The following WNT7B variants were observed in gnomAD, a reference collection of about 807,000 sequenced individuals.
The protein encoded by WNT7B is Wnt family member 7B.
In WNT7B, 19 loss-of-function variants were observed where a neutral mutation model predicts 38.2. The ratio of observed to expected loss-of-function variants is 0.50; its 90% confidence interval spans 0.35 to 0.73. The LOEUF (loss-of-function observed/expected upper bound fraction) is 0.73, where lower values mean the gene tolerates loss of function less well. Ranked by LOEUF, WNT7B falls within the 30% of genes least tolerant of loss-of-function variation. The pLI is 0.01. For synonymous variants in WNT7B, 243 were observed against 209.3 expected, an observed-to-expected ratio of 1.16 and a Z score of -1.39; for missense variants, 423 against 507.9, an observed-to-expected ratio of 0.83 and a Z score of 1.61.
At chr22:45,938,032 A>G (rs1931554696) in intron 2 of WNT7B, among the ~76,000 whole-genome samples, 1 of 152,208 alleles carries the variant, frequency 6.6e-6, no homozygotes, top group Non-Finnish European at 1.5e-5. Flanking sequence ...CATTTTCTAC[A>G]ACTCAATAAT....
intron 3 of WNT7B, chr22:45,927,683 G>A (rs946038611): frequency 4.3e-6 from 3 of 705,264 alleles, no homozygotes; most frequent in African/African-American, 3.5e-5. Flanking sequence ...ATCACCTGAG[G>A]TTAGGGGTTC....
chr22:45,975,802 C>T lies in WNT7B; in HGVS notation c.71+882G>A. ...CGAGGAGCGCGGGGCCAGCAGCGGG[C>T]GGTGGGCGCCCCAGGCGAGGTGCAC... On this transcript the variant is annotated intron_variant, in intron 1 of 3. Transcript: ENST00000339464. The surrounding 1 kb of genome is among the most constrained non-coding windows in gnomAD (Gnocchi z 6.6). 1 of 318,886 alleles carries T rather than the reference C, an allele frequency of 3.1e-6. No homozygotes were observed. The highest frequency in any genetic ancestry group is 5.7e-6 in the Non-Finnish European group (1 of 176,822). 19.8% of individuals were successfully genotyped at this position (318,886 alleles called of 1,614,324 possible). A position where few individuals can be genotyped will look rare whatever the true frequency, so the allele number is the denominator to read the frequency against.
rs28559287 is a variant in WNT7B at position 45,956,966 on chromosome 22, C to T, written c.72-6820G>A. On this transcript the variant is annotated intron_variant, in intron 1 of 3. Transcript: ENST00000339464. Reference sequence around the variant, plus strand: ...ACTAAAAATACAAAAATTAGCTGGGCGTGGTGGCGTGTGCCTGTAGTCCCA... The same window carrying T: ...ACTAAAAATACAAAAATTAGCTGGGTGTGGTGGCGTGTGCCTGTAGTCCCA... Among the ~76,000 whole-genome samples the T allele has an allele frequency of 8.0e-3, 1,213 of 152,232 alleles. 16 individuals carry two copies. The highest frequency in any genetic ancestry group is 0.028 in the African/African-American group (1,156 of 41,528).
In WNT7B at chr22:45,922,736, T is replaced by G; in HGVS notation, c.*120A>C. The G allele has an allele frequency of 6.8e-7, 1 of 1,463,534 alleles. No individual in the cohort carries two copies. The highest frequency in any genetic ancestry group is 9.1e-7 in the Non-Finnish European group (1 of 1,103,850). 90.7% of individuals were successfully genotyped at this position (1,463,534 alleles called of 1,614,324 possible). On this transcript the variant is annotated 3_prime_UTR_variant, in exon 4 of 4. Transcript: ENST00000339464. ...GCCGGTGCCCTCCTGCACCTGGAGC[T>G]CCCCGCTTCTGCACCCGTCTATGTC...
At chr22:45,934,040 G>C (rs926890484) in intron 2 of WNT7B, among the ~76,000 whole-genome samples, 2 of 152,236 alleles carry the variant, frequency 1.3e-5, no homozygotes, top group Non-Finnish European at 2.9e-5. Flanking sequence ...CTCCACATGC[G>C]CCGGGCGCAC....
chr22:45,961,053 C>A (rs1383631227), intron 1 of WNT7B, among the ~76,000 whole-genome samples: 1 of 152,236 alleles, frequency 6.6e-6, no homozygotes. Context: ...GAACAGAGCT[C>A]CACCTGCACC....
At position 45,928,411 on chromosome 22, in the gene WNT7B, T is replaced by G. The variant is rs548215388; in HGVS notation, c.570+2687A>C. ...CCACAGGTGCACAGGGTCGGGGCAG[T>G]GAGGAGTTGGGGGACAAAGTGCATT... On this transcript the variant is annotated intron_variant, in intron 3 of 3. Transcript: ENST00000339464. Among the ~76,000 whole-genome samples the G allele has an allele frequency of 1.4e-4, 22 of 152,230 alleles. No homozygotes were observed. In the South Asian group the frequency reaches 2.1e-3, roughly 14 times the overall value.
Position 45,931,151 on chromosome 22 carries a change from T to G in WNT7B, c.517A>C (p.Lys173Gln). 2 of 1,595,646 alleles carry G rather than the reference T, an allele frequency of 1.3e-6. No individual in the cohort carries two copies. Among genetic ancestry groups the G allele is most frequent in the Non-Finnish European group, 8.5e-7 (1 of 1,176,048 alleles). Reference sequence around the variant, plus strand: ...TTCATGAGGCGCCGCGCGTTCTTCTTGATCTCCCGAGCGTCCACGAAGCGC... The same window carrying G: ...TTCATGAGGCGCCGCGCGTTCTTCTGGATCTCCCGAGCGTCCACGAAGCGC... ...SRRFVDAREI[K>Q]KNARRLMNLH... Residue 173 changes from lysine to glutamine, a missense_variant, in exon 3 of 4, where the codon AAG (lysine) becomes CAG (glutamine). This residue lies in a region of WNT7B where 132 missense variants were observed against 113.4 expected (regional missense o/e 1.16). Coordinates refer to ENST00000339464, the MANE Select transcript of WNT7B (RefSeq NM_058238.3).
At position 45,947,058 on chromosome 22, in the gene WNT7B, G is replaced by A. The variant is rs148021393; in HGVS notation, c.298+2862C>T. On this transcript the variant is annotated intron_variant, in intron 2 of 3. Coordinates refer to ENST00000339464, the MANE Select transcript of WNT7B (RefSeq NM_058238.3). ...CATGCCAGGGCACCCAGCTGGCCTCGGACATGGCTGGCCTCCCTGATCAGC... is the reference window on the plus strand; with the variant it reads ...CATGCCAGGGCACCCAGCTGGCCTCAGACATGGCTGGCCTCCCTGATCAGC... Among the ~76,000 whole-genome samples, 197 of 152,306 alleles carry A rather than the reference G, an allele frequency of 1.3e-3. 3 individuals are homozygous for A. In the East Asian group the frequency reaches 0.019, roughly 15 times the overall value.
At chr22:45,958,017 G>T (rs1278782541) in intron 1 of WNT7B, among the ~76,000 whole-genome samples, 1 of 152,258 alleles carries the variant, frequency 6.6e-6, no homozygotes, top group Non-Finnish European at 1.5e-5. Flanking sequence ...GTTAAGTGCA[G>T]GAGACCTCAG....
chr22:45,963,376 C>T (rs1932239103), intron 1 of WNT7B, among the ~76,000 whole-genome samples: 1 of 152,216 alleles, frequency 6.6e-6, no homozygotes, highest in Non-Finnish European at 1.5e-5. Flanking sequence ...AGAGTGCCCA[C>T]TTCCCCAGGG....
chr22:45,972,116 G>GGGGGGGGGGCCCCCCCCCCCCCCCCCCC, intron 1 of WNT7B: 1 of 530,746 alleles, frequency 1.9e-6, no homozygotes, highest in Non-Finnish European at 3.3e-6. Flanking sequence ...CCCGGGGGGA[G>GGGGGGGGGGCCCCCCCCCCCCCCCCCCC]CCCACCCGCC....
intron 2 of WNT7B, among the ~76,000 whole-genome samples, chr22:45,943,095 TTGTG>T (rs930055237): frequency 2.6e-5 from 4 of 151,878 alleles, no homozygotes; most frequent in African/African-American, 7.3e-5. Context: ...GTGCGTGTGT[TTGTG>T]TGTGTGCATG....
chr22:45,957,294 T>G (rs1489629248), intron 1 of WNT7B, among the ~76,000 whole-genome samples: 1 of 151,964 alleles, frequency 6.6e-6, no homozygotes, highest in Non-Finnish European at 1.5e-5. Flanking sequence ...AAGTTATATC[T>G]CAGCATAAAA....
chr22:45,968,800 C>T (rs374227647), intron 1 of WNT7B, among the ~76,000 whole-genome samples: 1 of 152,286 alleles, frequency 6.6e-6, no homozygotes, highest in South Asian at 2.1e-4. Context: ...CCCACATGCA[C>T]ACCCTCTATG....
intron 1 of WNT7B, among the ~76,000 whole-genome samples, chr22:45,973,881 G>A (rs117113232): frequency 3.6e-4 from 40 of 111,396 alleles, no homozygotes; most frequent in East Asian, 9.1e-4. Flanking sequence ...ATGGCTGCAC[G>A]TGCCCAGGTG....
In WNT7B at chr22:45,922,741, G is replaced by T; in HGVS notation, c.*115C>A. The T allele has an allele frequency of 6.8e-7, 1 of 1,466,294 alleles. No individual in the cohort carries two copies. Among genetic ancestry groups the T allele is most frequent in the Non-Finnish European group, 9.0e-7 (1 of 1,105,462 alleles). The allele number at this position is 1,466,294 out of a possible 1,614,324, so 90.8% of individuals were successfully genotyped here. ...TGCCCTCCTGCACCTGGAGCTCCCC[G>T]CTTCTGCACCCGTCTATGTCTGCTG... is the stretch of plus-strand genomic sequence containing the variant. On this transcript the variant is annotated 3_prime_UTR_variant, in exon 4 of 4. Transcript: ENST00000339464.
At chr22:45,939,483 C>G (rs1383014686) in intron 2 of WNT7B, among the ~76,000 whole-genome samples, 1 of 152,194 alleles carries the variant, frequency 6.6e-6, no homozygotes, top group Non-Finnish European at 1.5e-5. Context: ...TTGATACATG[C>G]TACAGTGTGG....
At chr22:45,925,542 C>G in intron 3 of WNT7B, 1 of 985,284 alleles carries the variant, frequency 1.0e-6, no homozygotes, top group Non-Finnish European at 1.2e-6. Flanking sequence ...GGGCGACCCC[C>G]AGAGAGTATA....
Sources: allele counts gnomAD v4.1 joint callset (sites outside exome capture counted in the v4.1 genomes callset), GRCh38; gene constraint gnomAD v4.1.1; regional missense constraint gnomAD v4.1.1; non-coding constraint Gnocchi (gnomAD v3.1); transcripts MANE v1.5; gene names NCBI Gene and HGNC (gene_info 2026-07-23, HGNC 2026-07-21).